The following LRP1B variants were observed in gnomAD, a reference collection of about 807,000 sequenced individuals.
LRP1B encodes the protein LDL receptor related protein 1B, also known as low-density lipoprotein receptor-related protein 1B.
LRP1B carries 217 observed loss-of-function variants against 556.6 expected under a neutral mutation model. The observed-to-expected ratio is 0.39, with a 90% confidence interval of 0.35 to 0.44. LRP1B has a LOEUF of 0.44. Ranked by LOEUF, LRP1B falls within the 20% of genes least tolerant of loss-of-function variation. LRP1B has a pLI of 1.00. For missense variants in LRP1B, 5,053 were observed against 5,620.8 expected, an observed-to-expected ratio of 0.90 and a Z score of 3.23; for synonymous variants, 2,047 against 1,865.8, an observed-to-expected ratio of 1.10 and a Z score of -2.50.
At chr2:140,532,411 TG>T (rs1237301183) in intron 47 of LRP1B, among the ~76,000 whole-genome samples, 1 of 148,718 alleles carries the variant, frequency 6.7e-6, no homozygotes, top group Admixed American at 6.7e-5. Flanking sequence ...TTTTGGGGGG[TG>T]GGGGGTATGG....
chr2:141,956,882 T>G (rs921737939), intron 1 of LRP1B, among the ~76,000 whole-genome samples: 1 of 152,036 alleles, frequency 6.6e-6, no homozygotes, highest in Non-Finnish European at 1.5e-5. Flanking sequence ...TAGAATAGAA[T>G]TATTTCTCCA....
rs180859498 is a variant in LRP1B, at chr2:140,718,422, C to G, written c.5759-1606G>C. Among the ~76,000 whole-genome samples, 27 of 152,006 alleles carry G rather than the reference C, an allele frequency of 1.8e-4. No individual in the cohort carries two copies. In the South Asian group the frequency reaches 3.5e-3, roughly 20 times the overall value. ...TTTCAATACATATCTATTATCCAACCACGTCATACTGTCTACTACTTATGT... is the reference window on the plus strand; with the variant it reads ...TTTCAATACATATCTATTATCCAACGACGTCATACTGTCTACTACTTATGT... On this transcript the variant is annotated intron_variant, in intron 35 of 90. Transcript: ENST00000389484.
At chr2:141,883,337 T>C (rs540547917) in intron 1 of LRP1B, among the ~76,000 whole-genome samples, 12 of 152,136 alleles carry the variant, frequency 7.9e-5, no homozygotes, top group Non-Finnish European at 1.6e-4. Flanking sequence ...ACAATAAGTG[T>C]TCTTGATGTA....
At chr2:140,985,068 T>C (rs1485612206) in intron 17 of LRP1B, among the ~76,000 whole-genome samples, 1 of 152,056 alleles carries the variant, frequency 6.6e-6, no homozygotes, top group Non-Finnish European at 1.5e-5. Context: ...AATGCTTCTC[T>C]AAGGAGGAAG....
intron 66 of LRP1B, among the ~76,000 whole-genome samples, chr2:140,438,320 T>C (rs1686277619): frequency 1.3e-5 from 2 of 152,154 alleles, no homozygotes; most frequent in Non-Finnish European, 2.9e-5. Context: ...TATTTTATAA[T>C]TTAACATGTA....
chr2:141,635,865 T>G (rs2105355692), intron 2 of LRP1B, among the ~76,000 whole-genome samples: 1 of 152,134 alleles, frequency 6.6e-6, no homozygotes, highest in East Asian at 1.9e-4. Flanking sequence ...GGAAAATGAG[T>G]GGTCGCATCT....
chr2:140,249,816 A>G (rs574539496), intron 86 of LRP1B, among the ~76,000 whole-genome samples: 1 of 151,786 alleles, frequency 6.6e-6, no homozygotes, highest in Non-Finnish European at 1.5e-5. Context: ...AAGACCAGGT[A>G]TTTTTGTCAT....
chr2:141,510,746 C>T (rs13027965), intron 2 of LRP1B, among the ~76,000 whole-genome samples: 47,335 of 151,834 alleles, frequency 0.31, 8,344 homozygotes, highest in Non-Finnish European at 0.4. Flanking sequence ...CATCATGTTG[C>T]CTGCTCAGTT....
At position 141,015,757 on chromosome 2, in the gene LRP1B, T is replaced by C; in HGVS notation, c.2129A>G (p.Tyr710Cys). ...LTLDFHTNTL[Y>C]WCDAYYDHIE... ...ATGATCGTAATAGGCATCACACCAG[T>C]ATAATGTGTTGGTGTGAAAGTCCAG... Residue 710 changes from tyrosine (Y) to cysteine (C), a missense_variant, in exon 13 of 91, where the codon TAC becomes TGC. By Grantham distance (194) the Tyr-to-Cys change is radical. This residue lies in a region of LRP1B where 3,619 missense variants were observed against 3,931.9 expected (regional missense o/e 0.92). Coordinates refer to ENST00000389484, the MANE Select transcript of LRP1B (RefSeq NM_018557.3). 6.2e-7 allele frequency: 1 copy of C among 1,613,340 alleles called. No homozygotes were observed. The highest frequency in any genetic ancestry group is 8.5e-7 in the Non-Finnish European group (1 of 1,179,600).
chr2:140,931,603 T>C (rs1311902689), intron 20 of LRP1B, among the ~76,000 whole-genome samples: 2 of 152,168 alleles, frequency 1.3e-5, no homozygotes, highest in African/African-American at 4.8e-5. Flanking sequence ...AAATTATCTT[T>C]AGTGTTCAAA....
At chr2:140,649,476 C>A in intron 41 of LRP1B, among the ~76,000 whole-genome samples, 1 of 152,206 alleles carries the variant, frequency 6.6e-6, no homozygotes, top group East Asian at 1.9e-4. Flanking sequence ...AGACTACATG[C>A]TACTGAATGG....
In LRP1B at chr2:140,874,903, C is replaced by T. The variant is rs138215277; in HGVS notation, c.4170-6640G>A. ...GCGTGGTGGCAGGCACCTGTAATCC[C>T]AGCTACTCAGGAGGCTGAGGCGGGA... On this transcript the variant is annotated intron_variant, in intron 25 of 90. Transcript: ENST00000389484. Among the ~76,000 whole-genome samples the T allele has an allele frequency of 4.9e-4, 74 of 151,954 alleles. No homozygotes were observed. In the East Asian group the frequency reaches 0.014, roughly 28 times the overall value.
rs2105019966 is a variant in LRP1B at position 140,541,802 on chromosome 2, G to C, written c.7364C>G (p.Ala2455Gly). Residue 2455 changes from alanine to glycine, a missense_variant, in exon 44 of 91, where the codon GCT (alanine) becomes GGT (glycine). Ala to Gly is a moderately conservative substitution (Grantham distance 60). This residue lies in a region of LRP1B where 3,619 missense variants were observed against 3,931.9 expected (regional missense o/e 0.92). Coordinates refer to ENST00000389484, the MANE Select transcript of LRP1B (RefSeq NM_018557.3). ...ACAGCTATTGGTGTCATTGGCAACA[G>C]CTATGATTCCCATTGGCTGATGTGG... ...DIPHQPMGII[A>G]VANDTNSCEL... The C allele has an allele frequency of 6.2e-7, 1 of 1,611,682 alleles. No individual in the cohort carries two copies. Among genetic ancestry groups the C allele is most frequent in the Non-Finnish European group, 8.5e-7 (1 of 1,178,432 alleles).
chr2:141,785,722 T>G (rs1695410998), intron 2 of LRP1B, among the ~76,000 whole-genome samples: 1 of 151,178 alleles, frequency 6.6e-6, no homozygotes, highest in Admixed American at 6.7e-5. Context: ...CCGTATATAG[T>G]TCTTTCTATT....
chr2:140,398,325 G>T (rs1573890446), intron 66 of LRP1B, among the ~76,000 whole-genome samples: 1 of 152,048 alleles, frequency 6.6e-6, no homozygotes, highest in African/African-American at 2.4e-5. Flanking sequence ...AAGGAAAAAG[G>T]ACACAGACAC....
At chr2:141,418,472 C>T (rs1680005789) in intron 3 of LRP1B, among the ~76,000 whole-genome samples, 2 of 143,200 alleles carry the variant, frequency 1.4e-5, no homozygotes, top group South Asian at 4.3e-4. Context: ...AGTTACTCAA[C>T]ATCATTTGTT....
intron 2 of LRP1B, among the ~76,000 whole-genome samples, chr2:141,600,748 C>T (rs1457692709): frequency 6.6e-6 from 1 of 152,050 alleles, no homozygotes; most frequent in East Asian, 1.9e-4. Flanking sequence ...AACTAGATGG[C>T]CCTTTACAAA....
chr2:140,681,450 A>G (rs754641565), intron 41 of LRP1B, among the ~76,000 whole-genome samples: 2 of 152,162 alleles, frequency 1.3e-5, no homozygotes, highest in Non-Finnish European at 2.9e-5. Context: ...TCTCATTTCT[A>G]TGTATTTCTA....
intron 41 of LRP1B, among the ~76,000 whole-genome samples, chr2:140,606,466 G>A (rs1230096920): frequency 2.6e-5 from 4 of 151,984 alleles, no homozygotes; most frequent in Admixed American, 1.3e-4. Context: ...CAGATTTAAT[G>A]TATAGAAATC....
Sources: allele counts gnomAD v4.1 joint callset (sites outside exome capture counted in the v4.1 genomes callset), GRCh38; gene constraint gnomAD v4.1.1; regional missense constraint gnomAD v4.1.1; transcripts MANE v1.5; gene names NCBI Gene and HGNC (gene_info 2026-07-23, HGNC 2026-07-21).